The following SUGCT variants were observed in gnomAD, a reference collection of about 807,000 sequenced individuals.
SUGCT encodes the protein succinyl-CoA:glutarate CoA-transferase.
A neutral mutation model predicts 55.0 loss-of-function variants in SUGCT; 41 were observed. The observed-to-expected ratio is 0.74, with a 90% CI of 0.58 to 0.97. SUGCT has a LOEUF of 0.97. Ranked by LOEUF, SUGCT falls within the 50% of genes least tolerant of loss-of-function variation. The pLI is 0.00. For synonymous variants in SUGCT, 187 were observed against 200.4 expected, an observed-to-expected ratio of 0.93 and a Z score of 0.56; for missense variants, 568 against 547.8, an observed-to-expected ratio of 1.04 and a Z score of -0.37.
chr7:40,627,254 A>G (rs1799565606), intron 12 of SUGCT, among the ~76,000 whole-genome samples: 1 of 152,240 alleles, frequency 6.6e-6, no homozygotes, highest in Admixed American at 6.5e-5. Flanking sequence ...AAATGAAAGT[A>G]TGCCCCACAG....
intron 9 of SUGCT, among the ~76,000 whole-genome samples, chr7:40,401,349 G>A (rs1786056164): frequency 2.0e-5 from 3 of 152,138 alleles, no homozygotes; most frequent in Admixed American, 2.0e-4. Flanking sequence ...AGGTCCAATA[G>A]GGCTATCTTG....
At chr7:40,961,082 G>A in the SUGCT span, among the ~76,000 whole-genome samples, 12 of 152,128 alleles carry the variant, frequency 7.9e-5, no homozygotes, top group East Asian at 1.9e-4. Context: ...ACACTATCAC[G>A]GTTTACTGTA....
intron 12 of SUGCT, among the ~76,000 whole-genome samples, chr7:40,586,575 G>C (rs932404692): frequency 6.6e-6 from 1 of 151,952 alleles, no homozygotes; most frequent in African/African-American, 2.4e-5. Flanking sequence ...TAAAAGCTCT[G>C]AGGTGATTGA....
chr7:40,694,744 T>C (rs893633703), intron 12 of SUGCT, among the ~76,000 whole-genome samples: 1 of 152,190 alleles, frequency 6.6e-6, no homozygotes, highest in Non-Finnish European at 1.5e-5. Context: ...TTAAACAAAC[T>C]GAAGAAGATA....
At chr7:40,397,238 A>G (rs1156472764) in intron 9 of SUGCT, among the ~76,000 whole-genome samples, 1 of 152,132 alleles carries the variant, frequency 6.6e-6, no homozygotes, top group East Asian at 1.9e-4. Flanking sequence ...AACTTTGCTT[A>G]TAATATTCTC....
intron 9 of SUGCT, among the ~76,000 whole-genome samples, chr7:40,401,278 A>G (rs1185271858): frequency 6.6e-6 from 1 of 152,206 alleles, no homozygotes; most frequent in African/African-American, 2.4e-5. Flanking sequence ...TTATATGACA[A>G]TATAAGTTAC....
chr7:40,165,946 C>T (rs547668532), intron 1 of SUGCT, among the ~76,000 whole-genome samples: 1 of 152,176 alleles, frequency 6.6e-6, no homozygotes, highest in South Asian at 2.1e-4. Flanking sequence ...ATGGTGAAAC[C>T]CCATCTCTAC....
intron 12 of SUGCT, among the ~76,000 whole-genome samples, chr7:40,705,807 A>G (rs1785370031): frequency 6.6e-6 from 1 of 152,192 alleles, no homozygotes; most frequent in South Asian, 2.1e-4. Flanking sequence ...AAACAGCACC[A>G]TCTTCTGCAC....
At chr7:40,922,807 G>A in the SUGCT span, among the ~76,000 whole-genome samples, 1 of 152,200 alleles carries the variant, frequency 6.6e-6, no homozygotes. Flanking sequence ...TAGCTGACTT[G>A]CCTTCAGACA....
intron 9 of SUGCT, among the ~76,000 whole-genome samples, chr7:40,317,850 A>G (rs1421084265): frequency 1.3e-5 from 2 of 152,168 alleles, no homozygotes. Context: ...CTCTCTGTTT[A>G]TATTCATGGC....
chr7:40,220,832 A>C (rs1038749132), intron 6 of SUGCT, among the ~76,000 whole-genome samples: 2 of 152,218 alleles, frequency 1.3e-5, no homozygotes, highest in Non-Finnish European at 2.9e-5. Flanking sequence ...TTTTGACATA[A>C]TCTTCCTTGT....
intron 7 of SUGCT, among the ~76,000 whole-genome samples, chr7:40,253,800 C>T (rs1320816900): frequency 6.6e-6 from 1 of 152,242 alleles, no homozygotes; most frequent in Non-Finnish European, 1.5e-5. Flanking sequence ...GGATTACAGG[C>T]ATGAGCCACT....
chr7:40,861,987 T>A (rs1794495286), downstream of SUGCT, among the ~76,000 whole-genome samples: 1 of 152,200 alleles, frequency 6.6e-6, no homozygotes, highest in Non-Finnish European at 1.5e-5. Context: ...TGCTTGTACA[T>A]TTAATATGAA....
chr7:40,909,705 A>G, the SUGCT span, among the ~76,000 whole-genome samples: 5 of 152,188 alleles, frequency 3.3e-5, no homozygotes, highest in African/African-American at 7.2e-5. Flanking sequence ...AGAGATTTCA[A>G]CTACTCCACT....
At chr7:40,866,358 CT>C in the SUGCT span, among the ~76,000 whole-genome samples, 38 of 152,044 alleles carry the variant, frequency 2.5e-4, no homozygotes, top group African/African-American at 8.9e-4. Flanking sequence ...CTGATGGAAG[CT>C]TTGAAATGTA....
At chr7:40,739,447 G>T (rs2128703264) in intron 12 of SUGCT, among the ~76,000 whole-genome samples, 1 of 152,206 alleles carries the variant, frequency 6.6e-6, no homozygotes, top group South Asian at 2.1e-4. Flanking sequence ...TCATTGCTAA[G>T]GAGTATTCCA....
chr7:40,456,383 C>T (rs78328203), intron 10 of SUGCT, among the ~76,000 whole-genome samples: 4,315 of 152,220 alleles, frequency 0.028, 150 homozygotes, highest in African/African-American at 0.074. Flanking sequence ...AGAATAATGT[C>T]TGCAATATCA....
the SUGCT span, among the ~76,000 whole-genome samples, chr7:40,929,137 T>C: frequency 6.6e-6 from 1 of 151,854 alleles, no homozygotes; most frequent in Non-Finnish European, 1.5e-5. Context: ...CCTGTTCTCA[T>C]TGTTCAATTC....
At chr7:40,965,524 A>G in the SUGCT span, 3 of 152,336 alleles carry the variant, frequency 2.0e-5, no homozygotes, top group Non-Finnish European at 4.4e-5. Context: ...CAAAATAAAG[A>G]TGGTTTCACT....
Sources: allele counts gnomAD v4.1 joint callset (sites outside exome capture counted in the v4.1 genomes callset), GRCh38; gene constraint gnomAD v4.1.1; transcripts MANE v1.5; gene names NCBI Gene and HGNC (gene_info 2026-07-23, HGNC 2026-07-21).